Variants in WASF3 observed in about 807,000 individuals in gnomAD.
WASF3 encodes the protein WASP family member 3.
WASF3 carries 11 observed loss-of-function variants against 46.6 expected under a neutral mutation model. The ratio of observed to expected loss-of-function variants is 0.24; its 90% confidence interval spans 0.15 to 0.39. The LOEUF (loss-of-function observed/expected upper bound fraction) is 0.39, where lower values mean the gene tolerates loss of function less well. Ranked by LOEUF, WASF3 falls within the 10% of genes least tolerant of loss-of-function variation. The pLI is 1.00. For synonymous variants in WASF3, 242 were observed against 259.7 expected (o/e 0.93, Z 0.65); for missense variants, 576 against 669.8 (o/e 0.86, Z 1.55).
chr13:26,585,487 A>G (rs1224163167), intron 1 of WASF3, among the ~76,000 whole-genome samples: 1 of 152,192 alleles, frequency 6.6e-6, no homozygotes, highest in African/African-American at 2.4e-5. Context: ...AGATTTGAAG[A>G]CTGAAGTATA....
intron 1 of WASF3, among the ~76,000 whole-genome samples, chr13:26,604,231 G>A (rs891603022): frequency 6.6e-6 from 1 of 152,208 alleles, no homozygotes; most frequent in Non-Finnish European, 1.5e-5. Flanking sequence ...AAGGTTGTAG[G>A]GGATTAAATG....
intron 1 of WASF3, among the ~76,000 whole-genome samples, chr13:26,583,355 G>A (rs530526782): frequency 2.0e-5 from 3 of 152,216 alleles, no homozygotes; most frequent in Non-Finnish European, 4.4e-5. Flanking sequence ...CAAGTGAACA[G>A]TAAAGCTGGT....
intron 2 of WASF3, among the ~76,000 whole-genome samples, chr13:26,627,652 A>G (rs1160500783): frequency 6.6e-6 from 1 of 152,306 alleles, no homozygotes; most frequent in Admixed American, 6.5e-5. Context: ...ATCCTCGCAA[A>G]TGGCAGTAGG....
chr13:26,552,097 C>G, the WASF3 span, among the ~76,000 whole-genome samples: 1 of 152,140 alleles, frequency 6.6e-6, no homozygotes, highest in Non-Finnish European at 1.5e-5. Context: ...TTTCACTTAG[C>G]AAGAATAGCA....
intron 1 of WASF3, among the ~76,000 whole-genome samples, chr13:26,561,639 C>T (rs1879298824): frequency 6.6e-6 from 1 of 152,160 alleles, no homozygotes; most frequent in Admixed American, 6.5e-5. Flanking sequence ...TAAGGTGCTA[C>T]AGCAAACAGG....
At chr13:26,623,999 G>T (rs1467124110) in intron 2 of WASF3, among the ~76,000 whole-genome samples, 1 of 152,206 alleles carries the variant, frequency 6.6e-6, no homozygotes, top group Non-Finnish European at 1.5e-5. Context: ...CTTGCTAGAA[G>T]AACATGTGAA....
chr13:26,542,286 G>T, the WASF3 span, among the ~76,000 whole-genome samples: 1 of 152,162 alleles, frequency 6.6e-6, no homozygotes, highest in Non-Finnish European at 1.5e-5. Flanking sequence ...TAAGATTGTA[G>T]GTTGTTTGAA....
rs201025592 is a variant in WASF3 at position 26,685,879 on chromosome 13, G to A, written c.*34G>A. ...CGGCGGAGAGGCCGCGTGTGGGAGC[G>A]TGTTGAAGATTTTAAGTGGTCTCTA... On this transcript the variant is annotated 3_prime_UTR_variant, in exon 10 of 10. Coordinates refer to ENST00000335327, the MANE Select transcript of WASF3 (RefSeq NM_006646.6). The A allele has an allele frequency of 8.1e-6, 13 of 1,599,850 alleles. No homozygotes were observed. Among genetic ancestry groups the A allele is most frequent in the East Asian group, 4.5e-5 (2 of 44,422 alleles).
chr13:26,671,087 T>C (rs569337935), intron 5 of WASF3, among the ~76,000 whole-genome samples: 20 of 152,328 alleles, frequency 1.3e-4, no homozygotes, highest in African/African-American at 4.8e-4. Flanking sequence ...GAAGGTAGTC[T>C]TCAAAAGCAT....
In WASF3 at chr13:26,685,582, C is replaced by T; in HGVS notation, c.1352-106C>T. The T allele has an allele frequency of 2.9e-6, 4 of 1,371,252 alleles. No individual in the cohort carries two copies. In the South Asian group the frequency reaches 5.9e-5, roughly 20 times the overall value. 84.9% of individuals were successfully genotyped at this position (1,371,252 alleles called of 1,614,324 possible). A position where few individuals can be genotyped will look rare whatever the true frequency, so the allele number is the denominator to read the frequency against. ...CCCTCAAATTTCTAAAACTTTCTGTCCTTAGTGTCAGTAGAAAAAAAAGTC... is the reference window on the plus strand; with the variant it reads ...CCCTCAAATTTCTAAAACTTTCTGTTCTTAGTGTCAGTAGAAAAAAAAGTC... On this transcript the variant is annotated intron_variant, in intron 9 of 9. Transcript: ENST00000335327.
At chr13:26,620,220 G>C (rs1361627615) in intron 2 of WASF3, among the ~76,000 whole-genome samples, 1 of 152,002 alleles carries the variant, frequency 6.6e-6, no homozygotes, top group African/African-American at 2.4e-5. Context: ...ATAGTTCCTG[G>C]TCAAAGCATC....
intron 1 of WASF3, among the ~76,000 whole-genome samples, chr13:26,606,049 G>T (rs1880785365): frequency 6.6e-6 from 1 of 152,198 alleles, no homozygotes; most frequent in Admixed American, 6.5e-5. Context: ...GGGTTGTTCA[G>T]GCTGGTGGGG....
chr13:26,567,793 G>A (rs561530357), intron 1 of WASF3, among the ~76,000 whole-genome samples: 12 of 151,844 alleles, frequency 7.9e-5, no homozygotes, highest in South Asian at 6.3e-4. Flanking sequence ...ATGTGTGTGC[G>A]TGTATTTATA....
intron 3 of WASF3, among the ~76,000 whole-genome samples, chr13:26,660,739 TTTACC>T (rs987903745): frequency 2.0e-5 from 3 of 152,140 alleles, no homozygotes; most frequent in Non-Finnish European, 4.4e-5. Context: ...TAACATTAAA[TTTACC>T]TTAACAGTTT....
chr13:26,586,473 A>G (rs1179195365), intron 1 of WASF3, among the ~76,000 whole-genome samples: 2 of 152,158 alleles, frequency 1.3e-5, no homozygotes, highest in African/African-American at 4.8e-5. Context: ...TGCATTTTCT[A>G]GTCTATTCCA....
intron 6 of WASF3, among the ~76,000 whole-genome samples, chr13:26,673,846 G>A (rs1882987761): frequency 6.6e-6 from 1 of 152,214 alleles, no homozygotes; most frequent in African/African-American, 2.4e-5. Context: ...GACCTGGTGT[G>A]TGACAGTGTA....
At chr13:26,658,794 T>C (rs1347878216) in intron 3 of WASF3, among the ~76,000 whole-genome samples, 1 of 152,176 alleles carries the variant, frequency 6.6e-6, no homozygotes, top group African/African-American at 2.4e-5. Flanking sequence ...GTGATCCAGG[T>C]CAGCTTAGGG....
intron 2 of WASF3, among the ~76,000 whole-genome samples, chr13:26,625,759 A>T (rs1471954076): frequency 6.6e-6 from 1 of 152,204 alleles, no homozygotes; most frequent in Non-Finnish European, 1.5e-5. Flanking sequence ...AGCTTGACAC[A>T]TAAAATGAAC....
At chr13:26,557,954 C>A in intron 1 of WASF3, 135 bp downstream of exon 1, 1 of 244,642 alleles carries the variant, frequency 4.1e-6, no homozygotes, top group South Asian at 1.6e-4. Context: ...GCGCTCCGGC[C>A]GGGCGGCGGG....
Sources: gnomAD v4.1 joint callset for allele counts (sites outside exome capture counted in the v4.1 genomes callset) on GRCh38, gnomAD v4.1.1 for gene constraint, MANE v1.5 for transcripts, NCBI Gene and HGNC (gene_info 2026-07-23, HGNC 2026-07-21) for gene names.